Variants in NRG3 observed in about 807,000 individuals in gnomAD.
The protein encoded by NRG3 is neuregulin 3, also known as pro-neuregulin-3, membrane-bound isoform.
NRG3 carries 31 observed loss-of-function variants against 66.9 expected under a neutral mutation model. The observed-to-expected ratio is 0.46, with a 90% CI of 0.35 to 0.63. NRG3 has a LOEUF of 0.63. Ranked by LOEUF, NRG3 falls within the 20% of genes least tolerant of loss-of-function variation. The pLI, the probability that NRG3 is intolerant of heterozygous loss-of-function variation, is 0.00. For synonymous variants in NRG3, 393 were observed against 359.4 expected, an observed-to-expected ratio of 1.09 and a Z score of -1.06; for missense variants, 910 against 878.9, an observed-to-expected ratio of 1.04 and a Z score of -0.45.
chr10:82,128,089 G>A (rs190676511), intron 1 of NRG3, among the ~76,000 whole-genome samples: 1 of 151,842 alleles, frequency 6.6e-6, no homozygotes, highest in Non-Finnish European at 1.5e-5. Flanking sequence ...CTTGTGTTCA[G>A]GTCTGCTGTC....
intron 6 of NRG3, among the ~76,000 whole-genome samples, chr10:82,973,390 T>C (rs907035357): frequency 3.9e-5 from 6 of 152,356 alleles, no homozygotes; most frequent in Middle Eastern, 3.4e-3. Flanking sequence ...TGAAATTTAA[T>C]AAGTGTTGAT....
At chr10:82,981,585 A>G (rs1200703865) in intron 8 of NRG3, among the ~76,000 whole-genome samples, 1 of 152,214 alleles carries the variant, frequency 6.6e-6, no homozygotes, top group Non-Finnish European at 1.5e-5. Flanking sequence ...TTGTTTACCA[A>G]GCAAGTGGGC....
intron 2 of NRG3, among the ~76,000 whole-genome samples, chr10:82,408,081 G>GAGAGAGAGAGAA (rs1564888020): frequency 3.0e-5 from 2 of 67,024 alleles, no homozygotes; most frequent in Non-Finnish European, 5.7e-5. Flanking sequence ...GAGAGAGAGA[G>GAGAGAGAGAGAA]AGACAGAAAG....
At chr10:82,094,604 G>A (rs2066222998) in intron 1 of NRG3, among the ~76,000 whole-genome samples, 1 of 152,140 alleles carries the variant, frequency 6.6e-6, no homozygotes, top group South Asian at 2.1e-4. Context: ...ATCAATGGAT[G>A]GTTGGATAAA....
intron 2 of NRG3, among the ~76,000 whole-genome samples, chr10:82,462,672 A>G (rs926724814): frequency 6.6e-6 from 1 of 151,964 alleles, no homozygotes; most frequent in African/African-American, 2.4e-5. Context: ...CTGAGAGGGG[A>G]AGTCTGCCTT....
In NRG3 at chr10:82,788,851, A is replaced by C. The variant is rs116140831; in HGVS notation, c.1027+50201A>C. On this transcript the variant is annotated intron_variant, in intron 3 of 8. Coordinates refer to ENST00000372141, the MANE Select transcript of NRG3 (RefSeq NM_001010848.4). ...CTTATTTCACTTAGGGTAACGTATT[A>C]AATATTCACCTATGTCATATTACAT... is the stretch of plus-strand genomic sequence containing the variant. Among the ~76,000 whole-genome samples, 1,044 of 152,140 alleles carry C rather than the reference A, an allele frequency of 6.9e-3. 13 individuals are homozygous for C. The highest frequency in any genetic ancestry group is 0.024 in the African/African-American group (1,006 of 41,520).
At chr10:82,041,810 A>ATCTCTCTC (rs71007288) in intron 1 of NRG3, among the ~76,000 whole-genome samples, 5,385 of 94,032 alleles carry the variant, frequency 0.057, 132 homozygotes, top group Non-Finnish European at 0.096. Context: ...TGGTCTACTG[A>ATCTCTCTC]TCTCTCTCTC....
rs1849009979 is a variant in NRG3, at chr10:82,946,273, G to T, written c.1055-5196G>T. Among the ~76,000 whole-genome samples, 8 of 151,594 alleles carry T rather than the reference G, an allele frequency of 5.3e-5. No individual in the cohort carries two copies. The South Asian group carries it at 1.7e-3, about 32-fold the overall frequency. On this transcript the variant is annotated intron_variant, in intron 4 of 8. Transcript: ENST00000372141. ...GACAAGCAGAAGGCGTGGAGCATTG[G>T]CTCGCGCCTGTAATCCCAGCACTTT...
chr10:82,125,248 AGT>A (rs1304054214), intron 1 of NRG3, among the ~76,000 whole-genome samples: 1 of 151,814 alleles, frequency 6.6e-6, no homozygotes, highest in Non-Finnish European at 1.5e-5. Context: ...CAGCTGTGTC[AGT>A]GTGTGTGTTT....
intron 1 of NRG3, among the ~76,000 whole-genome samples, chr10:82,306,174 G>C (rs1181560896): frequency 6.6e-6 from 1 of 152,000 alleles, no homozygotes; most frequent in Non-Finnish European, 1.5e-5. Context: ...ACTATGCTTG[G>C]ATTATTTGTA....
intron 2 of NRG3, among the ~76,000 whole-genome samples, chr10:82,391,912 G>A (rs2086390807): frequency 6.9e-6 from 1 of 144,222 alleles, no homozygotes; most frequent in Admixed American, 7.2e-5. Flanking sequence ...TCTCATCCAG[G>A]TTGCCTCTTT....
intron 1 of NRG3, among the ~76,000 whole-genome samples, chr10:82,087,925 T>C (rs1178964867): frequency 6.6e-6 from 1 of 152,044 alleles, no homozygotes; most frequent in East Asian, 1.9e-4. Context: ...AATGAGATTT[T>C]TTTCTTGAGG....
At chr10:82,546,660 G>A (rs1289059784) in intron 2 of NRG3, among the ~76,000 whole-genome samples, 2 of 152,166 alleles carry the variant, frequency 1.3e-5, no homozygotes, top group East Asian at 3.9e-4. Context: ...TATTCCTAGG[G>A]TACTAAATAC....
intron 1 of NRG3, among the ~76,000 whole-genome samples, chr10:81,964,180 A>T (rs1011291909): frequency 6.6e-6 from 1 of 152,130 alleles, no homozygotes; most frequent in Non-Finnish European, 1.5e-5. Context: ...AACATGTATA[A>T]TTTACTCCAA....
chr10:82,172,042 G>T (rs2133109520), intron 1 of NRG3, among the ~76,000 whole-genome samples: 1 of 152,166 alleles, frequency 6.6e-6, no homozygotes, highest in South Asian at 2.1e-4. Context: ...TCTGTGTTTG[G>T]GGTTGATGAA....
intron 2 of NRG3, among the ~76,000 whole-genome samples, chr10:82,684,560 T>C (rs563455911): frequency 1.3e-5 from 2 of 150,920 alleles, no homozygotes; most frequent in Admixed American, 6.6e-5. Context: ...TTTTTGTCAA[T>C]ATTACTGCTT....
intron 3 of NRG3, among the ~76,000 whole-genome samples, chr10:82,757,529 AC>A (rs1199618645): frequency 6.6e-6 from 1 of 152,120 alleles, no homozygotes; most frequent in East Asian, 1.9e-4. Context: ...CATGGAAAAG[AC>A]CTTAAGCCTG....
chr10:82,099,984 A>AATATATATATAT (rs3036603), intron 1 of NRG3, among the ~76,000 whole-genome samples: 78 of 146,050 alleles, frequency 5.3e-4, no homozygotes, highest in Admixed American at 1.2e-3. Flanking sequence ...CCCTGTCTCT[A>AATATATATATAT]ATATATATAT....
intron 6 of NRG3, among the ~76,000 whole-genome samples, 174 bp from the exon 7 acceptor site, chr10:82,973,614 G>A (rs928145128): frequency 6.6e-6 from 1 of 152,150 alleles, no homozygotes; most frequent in African/African-American, 2.4e-5. Flanking sequence ...GGCAGGGGAG[G>A]TGAATACTCA....
Sources: gnomAD v4.1 joint callset for allele counts (sites outside exome capture counted in the v4.1 genomes callset) on GRCh38, gnomAD v4.1.1 for gene constraint, MANE v1.5 for transcripts, NCBI Gene and HGNC (gene_info 2026-07-23, HGNC 2026-07-21) for gene names.